Variants in OCA2 observed in about 807,000 individuals in gnomAD.
OCA2 encodes OCA2 melanosomal transmembrane protein.
A neutral mutation model predicts 100.2 loss-of-function variants in OCA2; 77 were observed. The ratio of observed to expected loss-of-function variants is 0.77; its 90% CI spans 0.64 to 0.93. OCA2 has a LOEUF of 0.93. OCA2 is among the 40% of genes least tolerant of loss of function. The pLI is 0.00. For synonymous variants in OCA2, 432 were observed against 439.2 expected (o/e 0.98, Z 0.21); for missense variants, 1,062 against 1,089.1 (o/e 0.98, Z 0.35).
intron 14 of OCA2, among the ~76,000 whole-genome samples, chr15:27,969,315 C>G (rs2040690621): frequency 6.6e-6 from 1 of 151,996 alleles, no homozygotes; most frequent in Non-Finnish European, 1.5e-5. Flanking sequence ...TGCTACTAGA[C>G]TTGCGATGGG....
intron 23 of OCA2, among the ~76,000 whole-genome samples, chr15:27,802,714 C>T (rs905578084): frequency 1.3e-5 from 2 of 152,126 alleles, no homozygotes; most frequent in African/African-American, 4.8e-5. Flanking sequence ...CCAAATACCC[C>T]TCCCACACCC....
intron 19 of OCA2, among the ~76,000 whole-genome samples, chr15:27,879,072 G>A (rs1395911917): frequency 2.0e-5 from 3 of 151,894 alleles, no homozygotes; most frequent in Non-Finnish European, 4.4e-5. Flanking sequence ...TGTTCTCTTC[G>A]TTCGGCTCCC....
At chr15:28,000,422 G>A (rs1304233603) in intron 9 of OCA2, among the ~76,000 whole-genome samples, 2 of 151,966 alleles carry the variant, frequency 1.3e-5, no homozygotes, top group African/African-American at 4.8e-5. Context: ...ACAAAAGAAT[G>A]AAAGTGGACC....
At chr15:27,891,611 C>T (rs964622483) in intron 19 of OCA2, among the ~76,000 whole-genome samples, 1 of 152,202 alleles carries the variant, frequency 6.6e-6, no homozygotes, top group Non-Finnish European at 1.5e-5. Flanking sequence ...CTATGCATCT[C>T]ATCACTTGCA....
chr15:28,030,651 G>A (rs1276684042), intron 3 of OCA2, among the ~76,000 whole-genome samples: 2 of 152,244 alleles, frequency 1.3e-5, no homozygotes, highest in African/African-American at 4.8e-5. Context: ...TGCCCTGGCT[G>A]CAGACTGGGC....
At chr15:27,926,450 T>C (rs2039046162) in intron 18 of OCA2, among the ~76,000 whole-genome samples, 196 bp from the exon 19 acceptor site, 1 of 127,412 alleles carries the variant, frequency 7.8e-6, no homozygotes, top group Non-Finnish European at 1.7e-5. Context: ...ATAATGAACA[T>C]GCCCATTGAC....
At chr15:27,986,787 C>T in intron 11 of OCA2, 144 bp from the exon 12 acceptor site, 1 of 728,902 alleles carries the variant, frequency 1.4e-6, no homozygotes, top group Non-Finnish European at 2.5e-6. Flanking sequence ...TGCAGAAAGA[C>T]CGTCACTTCC....
intron 23 of OCA2, among the ~76,000 whole-genome samples, chr15:27,825,200 C>A (rs111692621): frequency 1.3e-5 from 2 of 152,154 alleles, no homozygotes; most frequent in African/African-American, 4.8e-5. Flanking sequence ...GTGGCCCACA[C>A]GGAGGAGGGC....
intron 23 of OCA2, among the ~76,000 whole-genome samples, chr15:27,768,170 T>C (rs2031426249): frequency 1.3e-5 from 2 of 152,314 alleles, no homozygotes; most frequent in African/African-American, 4.8e-5. Flanking sequence ...AGGTCTGAGC[T>C]AGGCAGGCTG....
chr15:28,049,195 T>C (rs1156710995), intron 2 of OCA2, among the ~76,000 whole-genome samples: 1 of 152,154 alleles, frequency 6.6e-6, no homozygotes, highest in Non-Finnish European at 1.5e-5. Flanking sequence ...TCAAAGAAGA[T>C]ATACAGAAGG....
At chr15:27,750,446 T>C (rs1003082465), downstream of OCA2, among the ~76,000 whole-genome samples, 1 of 152,236 alleles carries the variant, frequency 6.6e-6, no homozygotes. Context: ...ATAGGCATTA[T>C]TAATATGCAC....
At chr15:27,884,330 G>A (rs898208034) in intron 19 of OCA2, among the ~76,000 whole-genome samples, 47 of 152,242 alleles carry the variant, frequency 3.1e-4, no homozygotes, top group African/African-American at 1.1e-3. Flanking sequence ...AACCGAAATC[G>A]CACCACTGCA....
intron 9 of OCA2, 119 bp from the exon 10 acceptor site, chr15:27,990,766 G>T: frequency 1.2e-6 from 1 of 867,082 alleles, no homozygotes. Flanking sequence ...CTATTCAAAT[G>T]ATAAGTCATG....
Position 28,005,214 on chromosome 15 carries a change from T to C in OCA2, c.1044+9562A>G, listed in dbSNP as rs1454392422. Among the ~76,000 whole-genome samples the C allele has an allele frequency of 2.6e-5, 4 of 152,128 alleles. No homozygotes were observed. The East Asian group carries it at 5.8e-4, about 22-fold the overall frequency. ...CCTCCTCAGAAGGAGGCTGATTCCA[T>C]GGAAATGGCTGTGATTCCACAGAAA... On this transcript the variant is annotated intron_variant, in intron 9 of 23. Coordinates refer to ENST00000354638, the MANE Select transcript of OCA2 (RefSeq NM_000275.3).
intron 2 of OCA2, among the ~76,000 whole-genome samples, chr15:28,063,734 A>G (rs2043944548): frequency 6.6e-6 from 1 of 152,216 alleles, no homozygotes. Flanking sequence ...ACTATAAAGT[A>G]CACGTTTACA....
At position 28,018,513 on chromosome 15, in the gene OCA2, C is replaced by T. The variant is rs1158901124; in HGVS notation, c.691G>A (p.Asp231Asn). The stretch of plus-strand genomic sequence containing the variant: ...CTGGCCACTAGGGCCCCTGCCAGGT[C>T]CACCTGCAGCAGCGTGGAGTCCACG... ...SHVDSTLLQV[D>N]LAGALVASGP... is the part of the protein sequence containing the mutation. The change falls in exon 7 of 24, where the codon GAC (aspartate) becomes AAC (asparagine). Residue 231 changes from aspartate (D) to asparagine (N), a missense_variant. Physicochemically the swap from Asp to Asn is conservative, Grantham distance 23. Coordinates refer to ENST00000354638, the MANE Select transcript of OCA2 (RefSeq NM_000275.3). 2 of 1,613,680 alleles carry T rather than the reference C, an allele frequency of 1.2e-6. No homozygotes were observed. The highest frequency in any genetic ancestry group is 1.7e-6 in the Non-Finnish European group (2 of 1,179,964).
chr15:27,751,471 C>G (rs2030062533), downstream of OCA2, among the ~76,000 whole-genome samples: 1 of 152,128 alleles, frequency 6.6e-6, no homozygotes. Context: ...TTGTACCAAT[C>G]ATCAAAAACA....
At chr15:27,732,605 C>T in the OCA2 span, among the ~76,000 whole-genome samples, 1 of 152,262 alleles carries the variant, frequency 6.6e-6, no homozygotes, top group South Asian at 2.1e-4. Context: ...GTGCAAGCCC[C>T]TCAAGGTGTC....
At chr15:27,860,784 A>G (rs1370421281) in intron 21 of OCA2, among the ~76,000 whole-genome samples, 8 of 152,210 alleles carry the variant, frequency 5.3e-5, no homozygotes, top group Admixed American at 5.2e-4. Flanking sequence ...TCTTTTTGGT[A>G]GAATGATTCC....
Sources: allele counts gnomAD v4.1 joint callset (sites outside exome capture counted in the v4.1 genomes callset), GRCh38; gene constraint gnomAD v4.1.1; transcripts MANE v1.5; gene names NCBI Gene and HGNC (gene_info 2026-07-23, HGNC 2026-07-21).